Variants in DOP1B observed in about 807,000 individuals in gnomAD.
The protein encoded by DOP1B is protein DOP1B.
A neutral mutation model predicts 233.5 loss-of-function variants in DOP1B; 174 were observed. The ratio of observed to expected loss-of-function variants is 0.75; its 90% CI spans 0.66 to 0.85. The LOEUF is 0.85. DOP1B is among the 40% of genes least tolerant of loss of function. The pLI is 0.00. For synonymous variants in DOP1B, 1,190 were observed against 1,185.6 expected (o/e 1.00, Z -0.08); for missense variants, 2,652 against 2,846.6 (o/e 0.93, Z 1.56).
At position 36,270,532 on chromosome 21, in the gene DOP1B, G is replaced by A. The variant is rs182976104; in HGVS notation, c.5632+375G>A. Among the ~76,000 whole-genome samples the A allele has an allele frequency of 4.2e-5, 4 of 95,144 alleles. No homozygotes were observed. The East Asian group carries it at 9.6e-4, about 23-fold the overall frequency. The allele number at this position is 95,144 out of a possible 152,430, so 62.4% of individuals were successfully genotyped here. On this transcript the variant is annotated intron_variant, in intron 27 of 36. Transcript: ENST00000691173. ...CACGCCACTGCGCTCCAGCCCAGGC[G>A]ACAAAGCAAGACTCCGTCTCAAAAA...
intron 4 of DOP1B, among the ~76,000 whole-genome samples, chr21:36,200,822 A>G (rs1423024585): frequency 6.6e-6 from 1 of 151,564 alleles, no homozygotes; most frequent in Non-Finnish European, 1.5e-5. Context: ...CAGCCTGGAC[A>G]ACAGAGACTC....
intron 2 of DOP1B, among the ~76,000 whole-genome samples, chr21:36,189,692 A>G (rs1423113587): frequency 2.7e-5 from 4 of 150,710 alleles, no homozygotes; most frequent in Non-Finnish European, 5.9e-5. Flanking sequence ...CCTGGGTGAC[A>G]GAGCGAGACT....
intron 2 of DOP1B, among the ~76,000 whole-genome samples, chr21:36,171,387 G>A (rs1047890178): frequency 1.3e-5 from 2 of 152,290 alleles, no homozygotes; most frequent in South Asian, 2.1e-4. Context: ...TTTGGCCTCC[G>A]TGAAAGAAAC....
chr21:36,289,148 T>G lies in DOP1B; in HGVS notation c.6457T>G (p.Cys2153Gly). The change falls in exon 35 of 37, where the codon TGC (cysteine) becomes GGC (glycine). Residue 2153 changes from cysteine (C) to glycine (G), a missense_variant. Transcript: ENST00000691173. ...TGAACTCATCTTGTATTTATCAGCTTGCAAATTCTTGGACACAGCGCTTTC... is the reference window on the plus strand; with the variant it reads ...TGAACTCATCTTGTATTTATCAGCTGGCAAATTCTTGGACACAGCGCTTTC... The part of the protein sequence containing the change: ...QSELILYLSA[C>G]KFLDTALSFP... The G allele has an allele frequency of 6.2e-7, 1 of 1,614,146 alleles. No individual in the cohort carries two copies. The highest frequency in any genetic ancestry group is 1.1e-5 in the South Asian group (1 of 91,058).
chr21:36,257,171 G>A (rs2067108152), intron 23 of DOP1B, among the ~76,000 whole-genome samples: 1 of 152,180 alleles, frequency 6.6e-6, no homozygotes, highest in Non-Finnish European at 1.5e-5. Context: ...GATGCGTAGG[G>A]CAAGGTATGG....
At position 36,239,301 on chromosome 21, in the gene DOP1B, T is replaced by C. The variant is rs139112697; in HGVS notation, c.2877-464T>C. Reference sequence around the variant, plus strand: ...ACGGCATGCCCCTATGAGGGGACTTTGCAGGGAGGTCAGATGGCCTAGACC... The same window carrying C: ...ACGGCATGCCCCTATGAGGGGACTTCGCAGGGAGGTCAGATGGCCTAGACC... On this transcript the variant is annotated intron_variant, in intron 17 of 36. Transcript: ENST00000691173. Among the ~76,000 whole-genome samples the C allele has an allele frequency of 5.3e-5, 8 of 152,328 alleles. No homozygotes were observed. In the East Asian group the frequency reaches 1.5e-3, roughly 29 times the overall value.
chr21:36,251,185 C>T lies in DOP1B; in HGVS notation c.5022C>T (p.Asp1674=). 6.2e-7 allele frequency: 1 copy of T among 1,612,322 alleles called. No homozygotes were observed. ...AGACCATAAGACAAAAAATTTTAGA[C>T]TTCTTAAACCCCTTGACGGCCCATC... ...TTKTIRQKIL[D]FLNPLTAHLG... is the part of the protein sequence containing the mutation. The change falls in exon 22 of 37, where the codon GAC becomes GAT. Residue 1674 remains aspartate (D), a synonymous_variant. Coordinates refer to ENST00000691173, the MANE Select transcript of DOP1B (RefSeq NM_001320714.2).
chr21:36,284,922 A>T (rs1441517290), intron 32 of DOP1B, among the ~76,000 whole-genome samples: 1 of 150,134 alleles, frequency 6.7e-6, no homozygotes, highest in Non-Finnish European at 1.5e-5. Flanking sequence ...GGTAATGATT[A>T]TATAAATAGT....
rs769348957 is a variant in DOP1B at position 36,231,136 on chromosome 21, T to A, written c.2350+2T>A. On this transcript the variant is annotated splice_donor_variant, in intron 14 of 36. Coordinates refer to ENST00000691173, the MANE Select transcript of DOP1B (RefSeq NM_001320714.2). LOFTEE classifies it high-confidence loss of function. The stretch of plus-strand genomic sequence containing the variant: ...GTGCAACGCTCTTCCAGCTGCCAGG[T>A]GAGAGGCAGCCCTGCCGAAGTCCCT... 1 of 1,572,180 alleles carries A rather than the reference T, an allele frequency of 6.4e-7. No homozygotes were observed. Among genetic ancestry groups the A allele is most frequent in the Non-Finnish European group, 8.7e-7 (1 of 1,155,910 alleles).
chr21:36,261,995 C>G (rs1601461296), intron 24 of DOP1B: 1 of 982,766 alleles, frequency 1.0e-6, no homozygotes, highest in Non-Finnish European at 1.2e-6. Context: ...TCAGGAGTCT[C>G]ACTGTAAATA....
chr21:36,199,830 C>T (rs2066340712), intron 3 of DOP1B, among the ~76,000 whole-genome samples: 1 of 152,196 alleles, frequency 6.6e-6, no homozygotes, highest in Non-Finnish European at 1.5e-5. Context: ...TTAATCCAGT[C>T]TATCATCGAT....
Position 36,260,668 on chromosome 21 carries a change from C to T in DOP1B, c.5260-9C>T. 1 of 1,613,714 alleles carries T rather than the reference C, an allele frequency of 6.2e-7. No homozygotes were observed. Among genetic ancestry groups the T allele is most frequent in the Non-Finnish European group, 8.5e-7 (1 of 1,179,908 alleles). ...AACTCGGAGTAATTGGTTTTACTTT[C>T]ATTTTCAGAAATCGCCCCTAGTGGA... On this transcript the variant is annotated splice_polypyrimidine_tract_variant and intron_variant, in intron 23 of 36. Transcript: ENST00000691173.
intron 23 of DOP1B, among the ~76,000 whole-genome samples, chr21:36,257,370 C>G (rs932362700): frequency 6.6e-6 from 1 of 152,190 alleles, no homozygotes; most frequent in Non-Finnish European, 1.5e-5. Context: ...ATACTTAATA[C>G]AGTGACTGGG....
chr21:36,166,306 G>A (rs1310010443), intron 2 of DOP1B, among the ~76,000 whole-genome samples: 1 of 151,726 alleles, frequency 6.6e-6, no homozygotes. Context: ...GCGTGGTGGC[G>A]AGCACCTGTA....
In DOP1B at chr21:36,270,025, A is replaced by G. The variant is rs752081299; in HGVS notation, c.5500A>G (p.Lys1834Glu). 1.4e-5 allele frequency: 22 copies of G among 1,613,818 alleles called. No homozygotes were observed. The highest frequency in any genetic ancestry group is 3.3e-5 in the Admixed American group (2 of 59,912). Residue 1834 changes from lysine (K) to glutamate (E), a missense_variant, in exon 27 of 37, where the codon AAA (lysine) becomes GAA (glutamate). Physicochemically the swap from Lys to Glu is moderately conservative, Grantham distance 56. Around this residue, in one of 3 missense-constraint regions of DOP1B, gnomAD observed 2,617 missense variants for 2,794.3 expected, o/e 0.94. Transcript: ENST00000691173. ...TGATAATTCTCAGGAAATCACTCAG[A>G]AAATCCTAGAAGCTGTGGGGAACAT... ...DQKDLQEITQ[K>E]ILEAVGNIAG...
At chr21:36,212,119 T>C (rs776276282) in intron 7 of DOP1B, 22 bp downstream of exon 7, 2 of 1,533,604 alleles carry the variant, frequency 1.3e-6, no homozygotes, top group East Asian at 4.7e-5. Flanking sequence ...TATACACCCT[T>C]TTAAAGTCAA....
intron 4 of DOP1B, 22 bp downstream of exon 4, chr21:36,200,523 G>A (rs2066351183): frequency 6.3e-7 from 1 of 1,587,608 alleles, no homozygotes; most frequent in Non-Finnish European, 8.6e-7. Flanking sequence ...TCTTGTCCAG[G>A]CTGTGTTTAC....
chr21:36,222,596 G>A (rs1386314776), intron 10 of DOP1B, among the ~76,000 whole-genome samples: 4 of 151,220 alleles, frequency 2.6e-5, no homozygotes, highest in African/African-American at 9.7e-5. Context: ...AAAAAAAAAA[G>A]AAGATAAACA....
chr21:36,225,388 C>G (rs142732043), intron 11 of DOP1B, among the ~76,000 whole-genome samples, 177 bp from the exon 12 acceptor site: 29 of 152,232 alleles, frequency 1.9e-4, no homozygotes, highest in African/African-American at 7.0e-4. Flanking sequence ...GGCCACCACA[C>G]CTGGCTAATT....
Sources: allele counts gnomAD v4.1 joint callset (sites outside exome capture counted in the v4.1 genomes callset), GRCh38; gene constraint gnomAD v4.1.1; regional missense constraint gnomAD v4.1.1; transcripts MANE v1.5; gene names NCBI Gene and HGNC (gene_info 2026-07-23, HGNC 2026-07-21).